NAB1: variants seen among roughly 807,000 people sequenced by gnomAD.
NAB1 encodes the protein NGFI-A binding protein 1, also known as NGFI-A-binding protein 1.
NAB1 carries 25 observed loss-of-function variants against 49.9 expected under a neutral mutation model. The observed-to-expected ratio is 0.50, with a 90% CI of 0.37 to 0.70. The LOEUF is 0.70. Ranked by LOEUF, NAB1 falls within the 30% of genes least tolerant of loss-of-function variation. NAB1 has a pLI of 0.00. For synonymous variants in NAB1, 198 were observed against 215.6 expected (o/e 0.92, Z 0.71); for missense variants, 489 against 575.9 (o/e 0.85, Z 1.54).
rs191637421 is a variant in NAB1 at position 190,652,407 on chromosome 2, G to A, written c.-197+2425G>A. ...GGTTAAGAATTTCCAGCCATTGTAC[G>A]AAATGCTAGTATTTGCCTATTGTTA... On this transcript the variant is annotated intron_variant, in intron 2 of 9. Transcript: ENST00000337386. The surrounding 1 kb of genome is among the most constrained non-coding windows in gnomAD (Gnocchi z 4.2). Among the ~76,000 whole-genome samples, 19 of 152,252 alleles carry A rather than the reference G, an allele frequency of 1.2e-4. No homozygotes were observed. The highest frequency in any genetic ancestry group is 2.6e-4 in the Admixed American group (4 of 15,302).
At position 190,690,064 on chromosome 2, in the gene NAB1, A is replaced by G. The variant is rs183934247; in HGVS notation, c.1376-181A>G. Reference sequence around the variant, plus strand: ...ACATCTAGTAATTGGCAGAGTTGAAATTTAAATCCAGAATCCAAGCTCTTA... The same window carrying G: ...ACATCTAGTAATTGGCAGAGTTGAAGTTTAAATCCAGAATCCAAGCTCTTA... On this transcript the variant is annotated intron_variant, in intron 9 of 9. Coordinates refer to ENST00000337386, the MANE Select transcript of NAB1 (RefSeq NM_005966.4). 2.8e-3 allele frequency among the ~76,000 whole-genome samples: 37 copies of G among 13,434 alleles called. No homozygotes were observed. The East Asian group carries it at 0.034, about 12-fold the overall frequency. The allele number at this position is 13,434 out of a possible 152,430, so 8.8% of individuals were successfully genotyped here.
intron 5 of NAB1, 64 bp from the exon 6 acceptor site, chr2:190,673,037 C>A (rs1181976651): frequency 1.3e-6 from 2 of 1,499,540 alleles, no homozygotes; most frequent in Non-Finnish European, 1.8e-6. Flanking sequence ...GGCTGAGATG[C>A]CTTTGGAATA....
chr2:190,659,764 G>T lies in NAB1; in HGVS notation c.588G>T (p.Ala196=). Residue 196 remains alanine (A), a synonymous_variant, in exon 4 of 10, where the codon GCG becomes GCT. Transcript: ENST00000337386. The surrounding 1 kb of genome is among the most constrained non-coding windows in gnomAD (Gnocchi z 6.2). ...GTGAGGCGCTGGATGCTGCTGCTGCGCTCTCTGTGGCTGAGTGTGTGGAGC... is the reference window on the plus strand; with the variant it reads ...GTGAGGCGCTGGATGCTGCTGCTGCTCTCTCTGTGGCTGAGTGTGTGGAGC... ...ESSEALDAAA[A]LSVAECVERM... The T allele has an allele frequency of 6.2e-7, 1 of 1,614,054 alleles. No individual in the cohort carries two copies. Among genetic ancestry groups the T allele is most frequent in the Non-Finnish European group, 8.5e-7 (1 of 1,179,940 alleles).
At chr2:190,688,033 A>C (rs778127429) in intron 9 of NAB1, among the ~76,000 whole-genome samples, 3 of 152,212 alleles carry the variant, frequency 2.0e-5, no homozygotes, top group Non-Finnish European at 4.4e-5. Flanking sequence ...TTAGATATTT[A>C]CATATTTTTA....
chr2:190,666,017 G>T lies in NAB1; in HGVS notation c.820-4309G>T, dbSNP rs1274253396. ...GAAACTCAAGCTCATCAAGTTTAGC[G>T]ACTGTCCCTAACTTAAACTTCTTTG... On this transcript the variant is annotated intron_variant, in intron 4 of 9. Transcript: ENST00000337386. The surrounding 1 kb of genome is among the most constrained non-coding windows in gnomAD (Gnocchi z 5.6). Among the ~76,000 whole-genome samples the T allele has an allele frequency of 6.6e-6, 1 of 152,086 alleles. No homozygotes were observed. The highest frequency in any genetic ancestry group is 6.5e-5 in the Admixed American group (1 of 15,274).
At position 190,659,743 on chromosome 2, in the gene NAB1, G is replaced by A. The variant is rs749655229; in HGVS notation, c.567G>A (p.Glu189=). 1 of 1,614,062 alleles carries A rather than the reference G, an allele frequency of 6.2e-7. No individual in the cohort carries two copies. Among genetic ancestry groups the A allele is most frequent in the Non-Finnish European group, 8.5e-7 (1 of 1,179,960 alleles). Residue 189 remains glutamate, a synonymous_variant, in exon 4 of 10, where the codon GAG becomes GAA. Coordinates refer to ENST00000337386, the MANE Select transcript of NAB1 (RefSeq NM_005966.4). The surrounding 1 kb of genome is among the most constrained non-coding windows in gnomAD (Gnocchi z 6.2). The part of the protein sequence containing the change: ...GSPASPKESS[E]ALDAAAALSV... ...CCGCGTCCCCAAAGGAGAGCAGTGA[G>A]GCGCTGGATGCTGCTGCTGCGCTCT...
At position 190,685,707 on chromosome 2, in the gene NAB1, G is replaced by T; in HGVS notation, c.1258+69G>T. On this transcript the variant is annotated intron_variant, in intron 8 of 9. Transcript: ENST00000337386. The surrounding 1 kb of genome is among the most constrained non-coding windows in gnomAD (Gnocchi z 4.5). ...ACTTCAAAGAGAAACAGAAGACAGTGGCTGATTTTTAAATTATGATATTTT... is the reference window on the plus strand; with the variant it reads ...ACTTCAAAGAGAAACAGAAGACAGTTGCTGATTTTTAAATTATGATATTTT... 1 of 1,209,752 alleles carries T rather than the reference G, an allele frequency of 8.3e-7. No individual in the cohort carries two copies. The highest frequency in any genetic ancestry group is 3.1e-5 in the South Asian group (1 of 32,368). The allele number at this position is 1,209,752 out of a possible 1,614,324, so 74.9% of individuals were successfully genotyped here. A position where few individuals can be genotyped will look rare whatever the true frequency, so the allele number is the denominator to read the frequency against.
chr2:190,658,972 A>C (rs147602466), intron 3 of NAB1, 186 bp from the exon 4 acceptor site: 1 of 498,278 alleles, frequency 2.0e-6, no homozygotes, highest in Non-Finnish European at 3.5e-6. Flanking sequence ...CAGTTTAGTT[A>C]CTGACCTATA....
rs1695965489 is a variant in NAB1, at chr2:190,692,256, G to A, written c.*1923G>A. On this transcript the variant is annotated 3_prime_UTR_variant, in exon 10 of 10. Coordinates refer to ENST00000337386, the MANE Select transcript of NAB1 (RefSeq NM_005966.4). This position sits in a 1 kb window ranked among gnomAD's most constrained non-coding sequence, Gnocchi z 5.2. ...TGTTTTTTTTTAATTGTGTCTTACA[G>A]TCAAGTTTGTAGATTTTCATAAGCC... 6.6e-6 allele frequency: 1 copy of A among 152,436 alleles called. No homozygotes were observed. The highest frequency in any genetic ancestry group is 2.1e-4 in the South Asian group (1 of 4,828). 9.4% of individuals were successfully genotyped at this position (152,436 alleles called of 1,614,324 possible).
intron 2 of NAB1, among the ~76,000 whole-genome samples, chr2:190,655,201 A>G (rs1574416482): frequency 6.6e-6 from 1 of 152,260 alleles, no homozygotes; most frequent in African/African-American, 2.4e-5. Context: ...GTTTTACTGA[A>G]TAACAGAAGT....
At position 190,652,261 on chromosome 2, in the gene NAB1, TATTA is replaced by T. The variant is rs1304529316; in HGVS notation, c.-197+2283_-197+2286del. On this transcript the variant is annotated intron_variant, in intron 2 of 9. Transcript: ENST00000337386. This position sits in a 1 kb window ranked among gnomAD's most constrained non-coding sequence, Gnocchi z 4.2. ...GGGTGACCCATTAATTTGCATGGTATATTAATTTAATGATTTTTACAGAGAAACT... is the reference window on the plus strand; with the variant it reads ...GGGTGACCCATTAATTTGCATGGTATATTTAATGATTTTTACAGAGAAACT... Among the ~76,000 whole-genome samples the T allele has an allele frequency of 6.6e-6, 1 of 152,220 alleles. No individual in the cohort carries two copies. Among genetic ancestry groups the T allele is most frequent in the Non-Finnish European group, 1.5e-5 (1 of 68,032 alleles).
At chr2:190,681,704 T>C (rs1695354736) in intron 6 of NAB1, among the ~76,000 whole-genome samples, 1 of 152,194 alleles carries the variant, frequency 6.6e-6, no homozygotes, top group Non-Finnish European at 1.5e-5. Flanking sequence ...ATTTTAAAAA[T>C]AGCAAATTAG....
At position 190,656,087 on chromosome 2, in the gene NAB1, T is replaced by G. The variant is rs1693906058; in HGVS notation, c.-86T>G. The G allele has an allele frequency of 6.6e-6, 1 of 152,228 alleles. No homozygotes were observed. The highest frequency in any genetic ancestry group is 2.4e-5 in the African/African-American group (1 of 41,446). The allele number at this position is 152,228 out of a possible 1,614,324, so 9.4% of individuals were successfully genotyped here. On this transcript the variant is annotated 5_prime_UTR_variant, in exon 3 of 10. Transcript: ENST00000337386. ...TTTGAATGCAGTTAACTGGTTTCTCTTAACTGTGGAATTCATTGAAAAGTC... is the reference window on the plus strand; with the variant it reads ...TTTGAATGCAGTTAACTGGTTTCTCGTAACTGTGGAATTCATTGAAAAGTC...
At position 190,663,590 on chromosome 2, in the gene NAB1, CCTCTGAT is replaced by C. The variant is rs1235098406; in HGVS notation, c.819+3598_819+3604del. On this transcript the variant is annotated intron_variant, in intron 4 of 9. Coordinates refer to ENST00000337386, the MANE Select transcript of NAB1 (RefSeq NM_005966.4). This position sits in a 1 kb window ranked among gnomAD's most constrained non-coding sequence, Gnocchi z 4.2. ...GCCTTTTACAGAAAAAGCTTGCCAACCTCTGATCTTTTTGAAGAAGCCACTCTGGGCT... is the reference window on the plus strand; with the variant it reads ...GCCTTTTACAGAAAAAGCTTGCCAACCTTTTTGAAGAAGCCACTCTGGGCT... 6.6e-6 allele frequency among the ~76,000 whole-genome samples: 1 copy of C among 152,174 alleles called. No homozygotes were observed. Among genetic ancestry groups the C allele is most frequent in the Non-Finnish European group, 1.5e-5 (1 of 68,042 alleles).
rs181820386 is a variant in NAB1 at position 190,652,222 on chromosome 2, A to G, written c.-197+2240A>G. On this transcript the variant is annotated intron_variant, in intron 2 of 9. Transcript: ENST00000337386. The surrounding 1 kb of genome is among the most constrained non-coding windows in gnomAD (Gnocchi z 4.2). Reference sequence around the variant, plus strand: ...TTCAAAGAGTTTGTCATTTCTCAATACATTGTATTTAGGGGGTGACCCATT... The same window carrying G: ...TTCAAAGAGTTTGTCATTTCTCAATGCATTGTATTTAGGGGGTGACCCATT... Among the ~76,000 whole-genome samples, 98 of 152,354 alleles carry G rather than the reference A, an allele frequency of 6.4e-4. No homozygotes were observed. Among genetic ancestry groups the G allele is most frequent in the Admixed American group, 1.3e-3 (20 of 15,306 alleles).
Position 190,680,424 on chromosome 2 carries a change from ACT to A in NAB1, c.1006-3310_1006-3309del, listed in dbSNP as rs1289667037. On this transcript the variant is annotated intron_variant, in intron 6 of 9. Transcript: ENST00000337386. This position sits in a 1 kb window ranked among gnomAD's most constrained non-coding sequence, Gnocchi z 5.2. The stretch of plus-strand genomic sequence containing the variant: ...TCTGTACCAGCTGCTTTCTTTTGGA[ACT>A]CTCAGCCTAGACACCCTGGCCTCTG... Among the ~76,000 whole-genome samples the A allele has an allele frequency of 6.6e-6, 1 of 151,556 alleles. No individual in the cohort carries two copies. Among genetic ancestry groups the A allele is most frequent in the Non-Finnish European group, 1.5e-5 (1 of 67,888 alleles).
intron 9 of NAB1, 48 bp from the exon 10 acceptor site, chr2:190,690,197 A>G: frequency 8.0e-7 from 1 of 1,254,792 alleles, no homozygotes; most frequent in Non-Finnish European, 1.2e-6. Flanking sequence ...TGATTTTTGT[A>G]GTCCATTGAT....
chr2:190,659,996 G>T lies in NAB1; in HGVS notation c.819+1G>T. ...TGGGAAACATCTCACACTTCATGAG[G>T]TACAAAGCCCGCGTTGTTCCTTCTG... On this transcript the variant is annotated splice_donor_variant, in intron 4 of 9. Coordinates refer to ENST00000337386, the MANE Select transcript of NAB1 (RefSeq NM_005966.4). LOFTEE classifies it high-confidence loss of function. The surrounding 1 kb of genome is among the most constrained non-coding windows in gnomAD (Gnocchi z 6.2). The T allele has an allele frequency of 6.2e-7, 1 of 1,606,724 alleles. No homozygotes were observed. The highest frequency in any genetic ancestry group is 8.5e-7 in the Non-Finnish European group (1 of 1,174,062).
At chr2:190,656,913 T>G (rs1232672294) in intron 3 of NAB1, among the ~76,000 whole-genome samples, 5 of 152,184 alleles carry the variant, frequency 3.3e-5, no homozygotes, top group Non-Finnish European at 7.3e-5. Flanking sequence ...CTGTAAACCT[T>G]GCAAAGTTAC....
Sources: allele counts gnomAD v4.1 joint callset (sites outside exome capture counted in the v4.1 genomes callset), GRCh38; gene constraint gnomAD v4.1.1; non-coding constraint Gnocchi (gnomAD v3.1); transcripts MANE v1.5; gene names NCBI Gene and HGNC (gene_info 2026-07-23, HGNC 2026-07-21).